C12orf56: variants seen among roughly 807,000 people sequenced by gnomAD.
C12orf56 encodes the protein chromosome 12 open reading frame 56.
A neutral mutation model predicts 69.9 loss-of-function variants in C12orf56; 71 were observed. That is an observed-to-expected ratio of 1.02 (90% CI 0.84 to 1.24). The LOEUF is 1.24. C12orf56 is among the 50% of genes most tolerant of loss of function. The pLI is 0.00. For missense variants in C12orf56, 732 were observed against 738.5 expected, an observed-to-expected ratio of 0.99 and a Z score of 0.10; for synonymous variants, 276 against 274.1, an observed-to-expected ratio of 1.01 and a Z score of -0.07.
At chr12:64,272,513 A>G (rs1303428326) in intron 11 of C12orf56, among the ~76,000 whole-genome samples, 1 of 151,362 alleles carries the variant, frequency 6.6e-6, no homozygotes, top group Non-Finnish European at 1.5e-5. Context: ...TCAAATAAAT[A>G]AATAAATAAA....
intron 5 of C12orf56, 71 bp downstream of exon 5, chr12:64,312,608 C>CA (rs1160073298): frequency 2.4e-4 from 284 of 1,173,636 alleles, no homozygotes; most frequent in Non-Finnish European, 2.8e-4. Context: ...GACTCAGTTT[C>CA]AAAAAAAAGG....
intron 5 of C12orf56, among the ~76,000 whole-genome samples, chr12:64,308,556 T>G (rs1011818681): frequency 4.0e-5 from 6 of 151,742 alleles, no homozygotes; most frequent in Non-Finnish European, 5.9e-5. Flanking sequence ...AGAAATCCCA[T>G]GTACCCAGCT....
intron 5 of C12orf56, among the ~76,000 whole-genome samples, chr12:64,307,186 A>T (rs1485210624): frequency 6.6e-6 from 1 of 152,142 alleles, no homozygotes; most frequent in Non-Finnish European, 1.5e-5. Context: ...TAAACGTATG[A>T]AAACCTATAG....
At chr12:64,282,969 G>A (rs1010806500) in intron 8 of C12orf56, among the ~76,000 whole-genome samples, 20 of 151,362 alleles carry the variant, frequency 1.3e-4, no homozygotes, top group African/African-American at 4.1e-4. Flanking sequence ...ATGGTGAAAC[G>A]CCATCTCTAC....
At chr12:64,367,537 G>C (rs1047432590) in intron 1 of C12orf56, among the ~76,000 whole-genome samples, 6 of 148,678 alleles carry the variant, frequency 4.0e-5, no homozygotes, top group African/African-American at 1.5e-4. Flanking sequence ...ACAGAGCCTT[G>C]CTCTGTCGCC....
chr12:64,390,623 C>T lies in C12orf56; in HGVS notation c.-58G>A, dbSNP rs2039857939. 13 of 1,392,242 alleles carry T rather than the reference C, an allele frequency of 9.3e-6. No individual in the cohort carries two copies. The highest frequency in any genetic ancestry group is 1.2e-5 in the Non-Finnish European group (13 of 1,081,820). The allele number at this position is 1,392,242 out of a possible 1,614,324, so 86.2% of individuals were successfully genotyped here. A position where few individuals can be genotyped will look rare whatever the true frequency, so the allele number is the denominator to read the frequency against. ...ACTCGAGGCCCTCAGCTCGCCCTCT[C>T]CCCGCCCCCGCGCTGGAACCCGCGC... On this transcript the variant is annotated 5_prime_UTR_variant, in exon 1 of 13. Transcript: ENST00000543942.
intron 1 of C12orf56, among the ~76,000 whole-genome samples, chr12:64,383,870 T>C (rs2039754225): frequency 6.6e-6 from 1 of 152,196 alleles, no homozygotes; most frequent in Admixed American, 6.5e-5. Context: ...GACTAAGATA[T>C]TGTGTGGAGA....
chr12:64,348,889 G>T (rs1425040285), intron 2 of C12orf56, among the ~76,000 whole-genome samples: 1 of 152,128 alleles, frequency 6.6e-6, no homozygotes, highest in Admixed American at 6.5e-5. Context: ...TGTGACATTG[G>T]AATAAAAGAA....
intron 6 of C12orf56, among the ~76,000 whole-genome samples, chr12:64,303,279 A>G (rs2038470410): frequency 1.3e-5 from 2 of 151,196 alleles, no homozygotes; most frequent in Non-Finnish European, 2.9e-5. Flanking sequence ...TCTCAAAAAA[A>G]TAAAAAATAA....
At chr12:64,270,830 G>A (rs1592406980) in intron 11 of C12orf56, 116 bp from the exon 12 acceptor site, 2 of 786,930 alleles carry the variant, frequency 2.5e-6, no homozygotes, top group Admixed American at 5.7e-5. Flanking sequence ...TAACACCACT[G>A]TTGCAATGTT....
At chr12:64,386,590 G>T (rs1191763737) in intron 1 of C12orf56, among the ~76,000 whole-genome samples, 2 of 151,770 alleles carry the variant, frequency 1.3e-5, no homozygotes, top group Non-Finnish European at 2.9e-5. Context: ...GAGACGGGGT[G>T]TCTCCATGTT....
intron 11 of C12orf56, among the ~76,000 whole-genome samples, chr12:64,272,780 G>T (rs10878129): frequency 0.7 from 106,923 of 152,002 alleles, 38,791 homozygotes; most frequent in Non-Finnish European, 0.8. Flanking sequence ...GAGATTGGTT[G>T]GGGCCTGTGT....
rs1182395188 is a variant in C12orf56 at position 64,331,644 on chromosome 12, C to T, written c.416-612G>A. Among the ~76,000 whole-genome samples, 6 of 152,138 alleles carry T rather than the reference C, an allele frequency of 3.9e-5. No homozygotes were observed. The East Asian group carries it at 1.2e-3, about 29-fold the overall frequency. On this transcript the variant is annotated intron_variant, in intron 2 of 12. Coordinates refer to ENST00000543942, the MANE Select transcript of C12orf56 (RefSeq NM_001170633.2). ...CCTAGTCCCACTGCCCCTCCCACTA[C>T]GTGAGGACATAGGATTTGTTCCTCC...
At chr12:64,350,875 C>G (rs2039213368) in intron 2 of C12orf56, among the ~76,000 whole-genome samples, 1 of 152,140 alleles carries the variant, frequency 6.6e-6, no homozygotes, top group Non-Finnish European at 1.5e-5. Flanking sequence ...CAACTCAGTC[C>G]TATCATGATT....
At chr12:64,296,892 C>G (rs1250941027) in intron 6 of C12orf56, among the ~76,000 whole-genome samples, 1 of 140,838 alleles carries the variant, frequency 7.1e-6, no homozygotes, top group Non-Finnish European at 1.5e-5. Flanking sequence ...TTTGCATGCT[C>G]TTTTGCCCTC....
intron 12 of C12orf56, among the ~76,000 whole-genome samples, chr12:64,268,790 G>A (rs1349909861): frequency 6.6e-6 from 1 of 152,040 alleles, no homozygotes; most frequent in Non-Finnish European, 1.5e-5. Flanking sequence ...GACGAGCTCA[G>A]AGCCAAACAA....
At chr12:64,318,485 A>C in intron 4 of C12orf56, 90 bp downstream of exon 4, 1 of 1,143,236 alleles carries the variant, frequency 8.7e-7, no homozygotes, top group South Asian at 1.8e-5. Context: ...AATTTCCAAA[A>C]TGGGAGGTAA....
chr12:64,371,274 GCA>G (rs2039567214), intron 1 of C12orf56, among the ~76,000 whole-genome samples: 2 of 151,668 alleles, frequency 1.3e-5, no homozygotes, highest in South Asian at 4.2e-4. Flanking sequence ...GGGAGTGGTG[GCA>G]CACACACGTA....
chr12:64,346,555 T>C (rs1203231504), intron 2 of C12orf56, among the ~76,000 whole-genome samples: 3 of 152,222 alleles, frequency 2.0e-5, no homozygotes, highest in Non-Finnish European at 4.4e-5. Flanking sequence ...TATGGAGGTT[T>C]CATTAAGTAG....
Sources: gnomAD v4.1 joint callset for allele counts (sites outside exome capture counted in the v4.1 genomes callset) on GRCh38, gnomAD v4.1.1 for gene constraint, MANE v1.5 for transcripts, NCBI Gene and HGNC (gene_info 2026-07-23, HGNC 2026-07-21) for gene names.